The following SLC9B2 variants were observed in gnomAD, a reference collection of about 807,000 sequenced individuals.
The protein encoded by SLC9B2 is solute carrier family 9 member B2, also known as sodium/hydrogen exchanger 9B2.
SLC9B2 carries 39 observed loss-of-function variants against 52.2 expected under a neutral mutation model. That is an observed-to-expected ratio of 0.75 (90% CI 0.58 to 0.98). SLC9B2 has a LOEUF of 0.98. SLC9B2 is among the 50% of genes least tolerant of loss of function. The pLI, the probability that SLC9B2 is intolerant of heterozygous loss-of-function variation, is 0.00. For synonymous variants in SLC9B2, 214 were observed against 227.0 expected (o/e 0.94, Z 0.51); for missense variants, 626 against 637.5 (o/e 0.98, Z 0.19).
chr4:103,051,311 C>G (rs971416239), intron 4 of SLC9B2, among the ~76,000 whole-genome samples: 9 of 152,208 alleles, frequency 5.9e-5, no homozygotes, highest in Non-Finnish European at 1.0e-4. Context: ...TGAGCCTCTT[C>G]CCTCCATGCT....
chr4:103,067,617 G>C, intron 1 of SLC9B2, 25 bp from the exon 2 acceptor site: 5 of 1,247,442 alleles, frequency 4.0e-6, no homozygotes, highest in Non-Finnish European at 5.8e-6. Flanking sequence ...TATAGATATA[G>C]AGCAGTAATT....
At chr4:103,031,630 T>C in intron 10 of SLC9B2, 70 bp downstream of exon 10, 1 of 1,097,346 alleles carries the variant, frequency 9.1e-7, no homozygotes, top group Admixed American at 2.0e-5. Flanking sequence ...ATATAAAAAG[T>C]AGACTTTATT....
intron 4 of SLC9B2, among the ~76,000 whole-genome samples, chr4:103,056,057 G>A (rs1578468800): frequency 6.6e-6 from 1 of 152,126 alleles, no homozygotes; most frequent in African/African-American, 2.4e-5. Context: ...GCCCGGCTTG[G>A]TCTCCCAAAG....
chr4:103,051,025 G>A (rs937892636), intron 4 of SLC9B2, among the ~76,000 whole-genome samples: 1 of 151,998 alleles, frequency 6.6e-6, no homozygotes, highest in African/African-American at 2.4e-5. Context: ...CAAGACAAAC[G>A]GACAATACCA....
At chr4:103,026,733 T>C (rs1181173449) in intron 11 of SLC9B2, 142 bp from the exon 12 acceptor site, 1 of 692,496 alleles carries the variant, frequency 1.4e-6, no homozygotes, top group Non-Finnish European at 2.3e-6. Flanking sequence ...ATATACCTAA[T>C]GCTAAATGAC....
intron 2 of SLC9B2, among the ~76,000 whole-genome samples, chr4:103,066,850 C>T (rs1746179104): frequency 6.6e-6 from 1 of 152,086 alleles, no homozygotes; most frequent in Non-Finnish European, 1.5e-5. Context: ...TCAAATGCAA[C>T]TTTGTTTCAT....
At chr4:103,061,675 A>AG (rs1285480015) in intron 3 of SLC9B2, among the ~76,000 whole-genome samples, 4 of 152,280 alleles carry the variant, frequency 2.6e-5, no homozygotes, top group African/African-American at 9.6e-5. Flanking sequence ...TTAAAAAAAA[A>AG]GTTCCCTGAG....
At chr4:103,054,142 G>C (rs924545348) in intron 4 of SLC9B2, among the ~76,000 whole-genome samples, 1 of 152,046 alleles carries the variant, frequency 6.6e-6, no homozygotes, top group East Asian at 1.9e-4. Context: ...AGGGACATGT[G>C]CCTGTAGTCC....
Position 103,067,557 on chromosome 4 carries a change from T to A in SLC9B2, c.-7A>T, listed in dbSNP as rs371420168. On this transcript the variant is annotated 5_prime_UTR_variant, in exon 2 of 12. Coordinates refer to ENST00000394785, the MANE Select transcript of SLC9B2 (RefSeq NM_178833.7). ...TTTTATCTTCATCCCCCATTATTTA[T>A]AATTAAGAAGATGACACAGGGAAGA... The A allele has an allele frequency of 6.3e-7, 1 of 1,595,720 alleles. No individual in the cohort carries two copies. Among genetic ancestry groups the A allele is most frequent in the Admixed American group, 1.7e-5 (1 of 59,982 alleles).
chr4:103,028,159 T>A (rs1336121007), intron 11 of SLC9B2, among the ~76,000 whole-genome samples: 1 of 152,198 alleles, frequency 6.6e-6, no homozygotes, highest in Non-Finnish European at 1.5e-5. Flanking sequence ...TTTATTAGAA[T>A]GCACAAATTT....
chr4:103,019,063 G>C (rs1205014467), downstream of SLC9B2, among the ~76,000 whole-genome samples: 3 of 152,148 alleles, frequency 2.0e-5, no homozygotes, highest in Non-Finnish European at 4.4e-5. Context: ...CCATGAAACT[G>C]ATCCCTGGTG....
At chr4:103,056,077 T>C (rs2110634712) in intron 4 of SLC9B2, among the ~76,000 whole-genome samples, 1 of 152,262 alleles carries the variant, frequency 6.6e-6, no homozygotes, top group South Asian at 2.1e-4. Context: ...GTGCTGGGAT[T>C]ACAGGCGTGA....
chr4:103,034,560 A>T (rs1742998863), intron 9 of SLC9B2, among the ~76,000 whole-genome samples: 1 of 152,222 alleles, frequency 6.6e-6, no homozygotes, highest in Non-Finnish European at 1.5e-5. Flanking sequence ...GCATCTGACA[A>T]AGGTCTAATG....
chr4:103,034,302 A>C (rs1742967563), intron 9 of SLC9B2, among the ~76,000 whole-genome samples: 2 of 152,146 alleles, frequency 1.3e-5, no homozygotes, highest in Admixed American at 1.3e-4. Flanking sequence ...TACAAAAATA[A>C]ATTTAAGATG....
At chr4:103,057,077 AC>A (rs1400884125) in intron 4 of SLC9B2, among the ~76,000 whole-genome samples, 1 of 151,960 alleles carries the variant, frequency 6.6e-6, no homozygotes, top group Non-Finnish European at 1.5e-5. Context: ...ATTTTAAGCT[AC>A]AACATGATGT....
chr4:103,024,478 G>T lies in SLC9B2; in HGVS notation c.*1892C>A, dbSNP rs896898741. 1.1e-4 allele frequency among the ~76,000 whole-genome samples: 16 copies of T among 152,330 alleles called. No individual in the cohort carries two copies. Among genetic ancestry groups the T allele is most frequent in the African/African-American group, 3.8e-4 (16 of 41,584 alleles). ...TAAAATTGAAGGCTATTTAGAAGAA[G>T]TGAATATTAAACTAGTTTTGAATAG... On this transcript the variant is annotated 3_prime_UTR_variant, in exon 12 of 12. Coordinates refer to ENST00000394785, the MANE Select transcript of SLC9B2 (RefSeq NM_178833.7).
chr4:103,034,208 G>A (rs978288303), intron 9 of SLC9B2, among the ~76,000 whole-genome samples: 7 of 152,130 alleles, frequency 4.6e-5, no homozygotes, highest in Non-Finnish European at 1.0e-4. Context: ...AACTGGTAAA[G>A]GACCCCCTAT....
intron 1 of SLC9B2, among the ~76,000 whole-genome samples, chr4:103,068,567 G>A (rs1746350753): frequency 6.6e-6 from 1 of 152,202 alleles, no homozygotes; most frequent in African/African-American, 2.4e-5. Context: ...AGTAAGATAG[G>A]AGAAGCTGGT....
chr4:103,031,938 G>A (rs1742742061), intron 9 of SLC9B2, 130 bp from the exon 10 acceptor site: 2 of 869,446 alleles, frequency 2.3e-6, no homozygotes, highest in Non-Finnish European at 3.5e-6. Flanking sequence ...ATAACTAAAA[G>A]GTTAGCTAGA....
Sources: gnomAD v4.1 joint callset for allele counts (sites outside exome capture counted in the v4.1 genomes callset) on GRCh38, gnomAD v4.1.1 for gene constraint, MANE v1.5 for transcripts, NCBI Gene and HGNC (gene_info 2026-07-23, HGNC 2026-07-21) for gene names.